The following LRRC71 variants were observed in gnomAD, a reference collection of about 807,000 sequenced individuals.
LRRC71 encodes leucine-rich repeat-containing protein 71.
Under a neutral mutation model 66.6 loss-of-function variants are expected in LRRC71, and 54 were observed. The ratio of observed to expected loss-of-function variants is 0.81; its 90% CI spans 0.65 to 1.02. The LOEUF is 1.02. Ranked by LOEUF, LRRC71 falls within the 50% of genes least tolerant of loss-of-function variation. The pLI is 0.00. For synonymous variants in LRRC71, 323 were observed against 303.9 expected, an observed-to-expected ratio of 1.06 and a Z score of -0.65; for missense variants, 724 against 718.0, an observed-to-expected ratio of 1.01 and a Z score of -0.10.
rs999172554 is a variant in LRRC71 at position 156,920,817 on chromosome 1, A to T, written c.14A>T (p.Gln5Leu). Residue 5 changes from glutamine (Q) to leucine (L), a missense_variant, in exon 1 of 15, where the codon CAG becomes CTG. Gln to Leu is a moderately radical substitution (Grantham distance 113). Coordinates refer to ENST00000337428, the MANE Select transcript of LRRC71 (RefSeq NM_144702.3). The surrounding 1 kb of genome is among the most constrained non-coding windows in gnomAD (Gnocchi z 4.9). The stretch of plus-strand genomic sequence containing the variant: ...GACAACACCAGCATGTCGAGCGAGC[A>T]GAGCGCGCCGGGGGCCTCACCCAGG... The part of the protein sequence containing the change: MSSE[Q>L]SAPGASPRAP... 2 of 1,527,704 alleles carry T rather than the reference A, an allele frequency of 1.3e-6. No homozygotes were observed. Among genetic ancestry groups the T allele is most frequent in the Admixed American group, 2.1e-5 (1 of 47,784 alleles). The allele number at this position is 1,527,704 out of a possible 1,614,324, so 94.6% of individuals were successfully genotyped here.
In LRRC71 at chr1:156,930,098, TC is replaced by T. The variant is rs1291778595; in HGVS notation, c.1240+370del. ...TTTCTTTTCTTTCTTTCTTTCTCTC[TC>T]TTTTTTTTTTTTTGATGGATTCTCA... On this transcript the variant is annotated intron_variant, in intron 11 of 14. Transcript: ENST00000337428. Among the ~76,000 whole-genome samples the T allele has an allele frequency of 8.5e-3, 331 of 38,922 alleles. 3 individuals are homozygous for T. Among genetic ancestry groups the T allele is most frequent in the South Asian group, 0.036 (13 of 364 alleles). The allele number at this position is 38,922 out of a possible 152,430, so 25.5% of individuals were successfully genotyped here. A position where few individuals can be genotyped will look rare whatever the true frequency, so the allele number is the denominator to read the frequency against.
Position 156,932,881 on chromosome 1 carries a change from C to G in LRRC71, c.1592C>G (p.Ala531Gly). ...AKNCFAPQCP[A>G]YAIIQELMLP... ...AATTGCTTCGCCCCACAATGTCCTGCGTACGCCATAATCCAGGAGCTGATG... is the reference window on the plus strand; with the variant it reads ...AATTGCTTCGCCCCACAATGTCCTGGGTACGCCATAATCCAGGAGCTGATG... The change falls in exon 15 of 15, where the codon GCG becomes GGG. Residue 531 changes from alanine (A) to glycine (G), a missense_variant. Transcript: ENST00000337428. 1 of 1,609,622 alleles carries G rather than the reference C, an allele frequency of 6.2e-7. No homozygotes were observed. Among genetic ancestry groups the G allele is most frequent in the Non-Finnish European group, 8.5e-7 (1 of 1,178,108 alleles).
chr1:156,924,259 TC>T (rs1056692128), intron 2 of LRRC71, among the ~76,000 whole-genome samples, 161 bp downstream of exon 2: 2 of 152,032 alleles, frequency 1.3e-5, no homozygotes, highest in African/African-American at 2.4e-5. Flanking sequence ...TCTCCCGTCT[TC>T]CTTTCCAACC....
At chr1:156,937,118 C>A (rs868187), downstream of LRRC71, 7 of 1,563,330 alleles carry the variant, frequency 4.5e-6, no homozygotes, top group Non-Finnish European at 5.2e-6. Flanking sequence ...GGTGGCTGGG[C>A]GGGCTGGGGG....
downstream of LRRC71, among the ~76,000 whole-genome samples, chr1:156,938,078 C>A (rs567849738): frequency 6.6e-6 from 1 of 152,180 alleles, no homozygotes; most frequent in Non-Finnish European, 1.5e-5. Flanking sequence ...ACTGGAGCGG[C>A]GGCTGAGGTG....
At chr1:156,934,436 A>G (rs1654725906), downstream of LRRC71, among the ~76,000 whole-genome samples, 1 of 152,126 alleles carries the variant, frequency 6.6e-6, no homozygotes, top group African/African-American at 2.4e-5. Context: ...CCTCCCACTT[A>G]GATTTGGCTT....
At chr1:156,936,492 AAAAAAATATATAT>A (rs1655222967), downstream of LRRC71, among the ~76,000 whole-genome samples, 1 of 95,486 alleles carries the variant, frequency 1.0e-5, no homozygotes. Context: ...AAAAAAAAAA[AAAAAAATATATAT>A]ATATATATAT....
downstream of LRRC71, chr1:156,937,183 T>C: frequency 6.2e-7 from 1 of 1,605,196 alleles, no homozygotes; most frequent in African/African-American, 1.3e-5. Context: ...CACATCTCAC[T>C]CATGGGGAAT....
chr1:156,938,416 A>G, the LRRC71 span: 2 of 1,612,444 alleles, frequency 1.2e-6, no homozygotes, highest in Non-Finnish European at 8.5e-7. Flanking sequence ...GAAAGTTATT[A>G]CCCGTAGCCT....
downstream of LRRC71, chr1:156,937,211 C>T: frequency 6.2e-7 from 1 of 1,612,308 alleles, no homozygotes; most frequent in Non-Finnish European, 8.5e-7. Flanking sequence ...GGGTGATGGA[C>T]TGAAGGCCTG....
chr1:156,936,497 A>AAATATATATATATAT (rs370282821), downstream of LRRC71, among the ~76,000 whole-genome samples: 1 of 33,938 alleles, frequency 2.9e-5, no homozygotes, highest in East Asian at 2.2e-3. Context: ...AAAAAAAAAA[A>AAATATATATATATAT]ATATATATAT....
downstream of LRRC71, among the ~76,000 whole-genome samples, chr1:156,934,091 A>G (rs565426570): frequency 6.6e-6 from 1 of 152,300 alleles, no homozygotes; most frequent in African/African-American, 2.4e-5. Flanking sequence ...GAGGTGCTGG[A>G]TGATGGTCAC....
downstream of LRRC71, among the ~76,000 whole-genome samples, chr1:156,934,158 C>A (rs1158042237): frequency 6.6e-6 from 1 of 152,232 alleles, no homozygotes; most frequent in Admixed American, 6.5e-5. Context: ...ACCCTTTCAG[C>A]CCATATCTTT....
downstream of LRRC71, chr1:156,936,988 G>C: frequency 6.2e-7 from 1 of 1,614,022 alleles, no homozygotes; most frequent in Non-Finnish European, 8.5e-7. Flanking sequence ...GCAGCTCTCT[G>C]TGGGCCAGCT....
downstream of LRRC71, chr1:156,936,976 G>C (rs759350025): frequency 6.2e-7 from 1 of 1,613,976 alleles, no homozygotes; most frequent in East Asian, 2.2e-5. Context: ...CAAGGGACTT[G>C]AGCAGCTCTC....
intron 5 of LRRC71, among the ~76,000 whole-genome samples, chr1:156,926,627 T>G (rs1188395885): frequency 2.8e-5 from 4 of 145,244 alleles, no homozygotes; most frequent in African/African-American, 1.1e-4. Context: ...CAGACTAGAG[T>G]GCAGTGGCAC....
rs1571014887 is a variant in LRRC71 at position 156,920,843 on chromosome 1, G to T, written c.40G>T (p.Ala14Ser). The part of the protein sequence containing the change: ...EQSAPGASPR[A>S]PRPGTQKSSG... ...GAGCGCGCCGGGGGCCTCACCCAGG[G>T]CCCCGCGTCCGGGGACCCAGAAGTC... is the stretch of plus-strand genomic sequence containing the variant. Residue 14 changes from alanine to serine, a missense_variant, in exon 1 of 15, where the codon GCC becomes TCC. Transcript: ENST00000337428. This position sits in a 1 kb window ranked among gnomAD's most constrained non-coding sequence, Gnocchi z 4.9. 1 of 1,537,048 alleles carries T rather than the reference G, an allele frequency of 6.5e-7. No individual in the cohort carries two copies. Among genetic ancestry groups the T allele is most frequent in the East Asian group, 2.5e-5 (1 of 40,280 alleles).
At chr1:156,936,196 G>A (rs756165236), downstream of LRRC71, 1 of 950,318 alleles carries the variant, frequency 1.1e-6, no homozygotes, top group East Asian at 2.4e-5. Flanking sequence ...GTTTCTCGTA[G>A]GGCTTGAAAA....
At position 156,924,094 on chromosome 1, in the gene LRRC71, CTTA is replaced by C; in HGVS notation, c.307_309del (p.Leu103del). ...CCGCCTCTTTGTCGGAAAAGGCCACCTTAGGTGAGTGACAGTGGAGCTCCCCGG... is the reference window on the plus strand; with the variant it reads ...CCGCCTCTTTGTCGGAAAAGGCCACCGGTGAGTGACAGTGGAGCTCCCCGG... On this transcript the variant is annotated inframe_deletion and splice_region_variant, in exon 2 of 15. Transcript: ENST00000337428. 3.2e-6 allele frequency: 5 copies of C among 1,549,310 alleles called. No individual in the cohort carries two copies. The highest frequency in any genetic ancestry group is 3.5e-6 in the Non-Finnish European group (4 of 1,146,664).
Sources: allele counts gnomAD v4.1 joint callset (sites outside exome capture counted in the v4.1 genomes callset), GRCh38; gene constraint gnomAD v4.1.1; non-coding constraint Gnocchi (gnomAD v3.1); transcripts MANE v1.5; gene names NCBI Gene and HGNC (gene_info 2026-07-23, HGNC 2026-07-21).